The following XPOT variants were observed in gnomAD, a reference collection of about 807,000 sequenced individuals.
XPOT encodes exportin-T.
A neutral mutation model predicts 128.2 loss-of-function variants in XPOT; 34 were observed. The observed-to-expected ratio is 0.27, with a 90% confidence interval of 0.20 to 0.35. The LOEUF is 0.35. Among genes scored for constraint, XPOT ranks in the 10% least tolerant of loss-of-function variants. The probability of loss-of-function intolerance (pLI) is 1.00; values close to 1 mark genes in which losing one functional copy is unlikely to be tolerated. For synonymous variants in XPOT, 348 were observed against 394.3 expected, an observed-to-expected ratio of 0.88 and a Z score of 1.39; for missense variants, 838 against 1,125.3, an observed-to-expected ratio of 0.74 and a Z score of 3.65.
At chr12:64,430,770 T>C (rs1476384663) in intron 17 of XPOT, among the ~76,000 whole-genome samples, 2 of 152,212 alleles carry the variant, frequency 1.3e-5, no homozygotes, top group East Asian at 3.8e-4. Context: ...TTCTATAATA[T>C]ATTTAAGAAC....
chr12:64,431,906 G>T, intron 18 of XPOT, 83 bp downstream of exon 18: 1 of 1,461,182 alleles, frequency 6.8e-7, no homozygotes. Context: ...TTTGCCCTTG[G>T]GTTTCTTTTT....
rs1373293102 is a variant in XPOT at position 64,421,317 on chromosome 12, T to C, written c.926T>C (p.Leu309Ser). 1 of 1,614,046 alleles carries C rather than the reference T, an allele frequency of 6.2e-7. No homozygotes were observed. Among genetic ancestry groups the C allele is most frequent in the Admixed American group, 1.7e-5 (1 of 60,010 alleles). Residue 309 changes from leucine to serine, a missense_variant, in exon 9 of 25, where the codon TTA (leucine) becomes TCA (serine). This residue lies in a region of XPOT where 761 missense variants were observed against 988.3 expected (regional missense o/e 0.77). Transcript: ENST00000332707. Reference sequence around the variant, plus strand: ...TCATTGATAGTTAGTTGGAGTAAATTAATTAAGAATGGGGATATTAAGAAT... The same window carrying C: ...TCATTGATAGTTAGTTGGAGTAAATCAATTAAGAATGGGGATATTAAGAAT... ...GQSLIVSWSK[L>S]IKNGDIKNAQ... is the part of the protein sequence containing the mutation.
chr12:64,404,458 G>A lies in XPOT; in HGVS notation c.-421G>A, dbSNP rs1212658319. ...CACCGACGCGGGGAGCGCGCTTCGCGCTGACTCAGCGGCGGCGGCGGCTGC... is the reference window on the plus strand; with the variant it reads ...CACCGACGCGGGGAGCGCGCTTCGCACTGACTCAGCGGCGGCGGCGGCTGC... On this transcript the variant is annotated 5_prime_UTR_variant, in exon 1 of 25. Coordinates refer to ENST00000332707, the MANE Select transcript of XPOT (RefSeq NM_007235.6). 6.4e-6 allele frequency: 1 copy of A among 157,438 alleles called. No homozygotes were observed. Among genetic ancestry groups the A allele is most frequent in the Non-Finnish European group, 1.4e-5 (1 of 72,486 alleles). The allele number at this position is 157,438 out of a possible 1,614,324, so 9.8% of individuals were successfully genotyped here.
Position 64,421,332 on chromosome 12 carries a change from A to C in XPOT, c.941A>C (p.Asp314Ala). 3 of 1,614,066 alleles carry C rather than the reference A, an allele frequency of 1.9e-6. No homozygotes were observed. Among genetic ancestry groups the C allele is most frequent in the Non-Finnish European group, 2.5e-6 (3 of 1,179,956 alleles). ...VSWSKLIKNG[D>A]IKNAQEALQA... ...TGGAGTAAATTAATTAAGAATGGGGATATTAAGAATGCTCAAGAGGCACTA... is the reference window on the plus strand; with the variant it reads ...TGGAGTAAATTAATTAAGAATGGGGCTATTAAGAATGCTCAAGAGGCACTA... Residue 314 changes from aspartate to alanine, a missense_variant, in exon 9 of 25, where the codon GAT becomes GCT. By Grantham distance (126) the Asp-to-Ala change is moderately radical. This residue lies in a region of XPOT where 761 missense variants were observed against 988.3 expected (regional missense o/e 0.77). Transcript: ENST00000332707.
Position 64,420,371 on chromosome 12 carries a change from A to G in XPOT, c.693A>G (p.Leu231=), listed in dbSNP as rs2040127276. 1 of 1,612,866 alleles carries G rather than the reference A, an allele frequency of 6.2e-7. No individual in the cohort carries two copies. The highest frequency in any genetic ancestry group is 8.5e-7 in the Non-Finnish European group (1 of 1,179,620). Reference sequence around the variant, plus strand: ...TTACCAGGTTTATAAATATGCTGCTAGGTCATATGTCAATAGAAGTTCTAC... The same window carrying G: ...TTACCAGGTTTATAAATATGCTGCTGGGTCATATGTCAATAGAAGTTCTAC... ...IANDRFINML[L]GHMSIEVLRE... Residue 231 remains leucine (L), a synonymous_variant, in exon 8 of 25, where the codon CTA becomes CTG. Coordinates refer to ENST00000332707, the MANE Select transcript of XPOT (RefSeq NM_007235.6).
chr12:64,431,905 G>A (rs1325182548), intron 18 of XPOT, 82 bp downstream of exon 18: 1 of 1,465,550 alleles, frequency 6.8e-7, no homozygotes, highest in Non-Finnish European at 9.1e-7. Flanking sequence ...TTTTGCCCTT[G>A]GGTTTCTTTT....
In XPOT at chr12:64,416,689, C is replaced by CG; in HGVS notation, c.144-9_144-8insG. 6.2e-7 allele frequency: 1 copy of CG among 1,607,124 alleles called. No individual in the cohort carries two copies. On this transcript the variant is annotated splice_polypyrimidine_tract_variant and intron_variant, in intron 3 of 24. Transcript: ENST00000332707. ...TCTGCTTATCTCATTTTCTTTTTTT[C>CG]TTTTTCAGTGATGATCATGTGAAGT...
At chr12:64,424,806 T>A in intron 12 of XPOT, 83 bp downstream of exon 12, 3 of 1,510,410 alleles carry the variant, frequency 2.0e-6, no homozygotes, top group Non-Finnish European at 2.7e-6. Flanking sequence ...TTCATATGAC[T>A]TATTAATCCA....
intron 4 of XPOT, among the ~76,000 whole-genome samples, chr12:64,417,511 T>C (rs2040098354): frequency 7.0e-6 from 1 of 143,438 alleles, no homozygotes; most frequent in African/African-American, 2.6e-5. Context: ...GCCTGGGCAA[T>C]ACAGCAAGAC....
At position 64,421,453 on chromosome 12, in the gene XPOT, T is replaced by G. The variant is rs2040137642; in HGVS notation, c.1062T>G (p.Tyr354Ter). 1 of 1,611,254 alleles carries G rather than the reference T, an allele frequency of 6.2e-7. No individual in the cohort carries two copies. Among genetic ancestry groups the G allele is most frequent in the African/African-American group, 1.3e-5 (1 of 74,998 alleles). ...SSNIIGFCYD[Y>*]LHILKQLTVL... ...ATATTATTGGATTTTGTTACGATTATCTTCATATTTTGAAACAGGTAAGTT... is the reference window on the plus strand; with the variant it reads ...ATATTATTGGATTTTGTTACGATTAGCTTCATATTTTGAAACAGGTAAGTT... Residue 354 changes from tyrosine to a stop codon, truncating the protein, a stop_gained, in exon 9 of 25, where the codon TAT becomes TAG. Coordinates refer to ENST00000332707, the MANE Select transcript of XPOT (RefSeq NM_007235.6). LOFTEE classifies it high-confidence loss of function.
rs576114893 is a variant in XPOT at position 64,414,132 on chromosome 12, C to T, written c.61-775C>T. On this transcript the variant is annotated intron_variant, in intron 2 of 24. Transcript: ENST00000332707. ...CCATGTGTGAAACCTGCATCTGGTG[C>T]AACATGCTGATGGGAAGAGTGCCTG... Among the ~76,000 whole-genome samples, 3 of 152,292 alleles carry T rather than the reference C, an allele frequency of 2.0e-5. No homozygotes were observed. In the East Asian group the frequency reaches 5.8e-4, roughly 29 times the overall value.
chr12:64,440,232 C>T (rs1565804137), intron 23 of XPOT, among the ~76,000 whole-genome samples: 1 of 152,164 alleles, frequency 6.6e-6, no homozygotes, highest in Non-Finnish European at 1.5e-5. Context: ...AGTTATCTCT[C>T]TTTTTGTGAC....
At chr12:64,415,070 G>T in intron 3 of XPOT, 81 bp downstream of exon 3, 4 of 830,080 alleles carry the variant, frequency 4.8e-6, no homozygotes, top group South Asian at 1.7e-5. Flanking sequence ...TATTTGGAAA[G>T]TGTTTTCATA....
chr12:64,435,806 G>C, intron 22 of XPOT, 132 bp downstream of exon 22: 1 of 775,040 alleles, frequency 1.3e-6, no homozygotes, highest in Non-Finnish European at 1.9e-6. Context: ...GGGGATGAAT[G>C]AAAGTAGCAG....
intron 16 of XPOT, among the ~76,000 whole-genome samples, chr12:64,429,167 T>C (rs1262514879): frequency 6.6e-6 from 1 of 152,242 alleles, no homozygotes; most frequent in African/African-American, 2.4e-5. Flanking sequence ...TAATGCTGTG[T>C]GTAATGTACT....
chr12:64,430,298 T>G lies in XPOT; in HGVS notation c.1976+11T>G. 1 of 1,545,636 alleles carries G rather than the reference T, an allele frequency of 6.5e-7. No individual in the cohort carries two copies. Among genetic ancestry groups the G allele is most frequent in the Non-Finnish European group, 8.7e-7 (1 of 1,150,508 alleles). On this transcript the variant is annotated intron_variant, in intron 17 of 24. Transcript: ENST00000332707. ...TGTTGGATTTGCAAGGTAAGTGTGA[T>G]CACAGTTAAAATTATAAAGTGCATG...
chr12:64,415,061 A>T (rs1490781736), intron 3 of XPOT, 72 bp downstream of exon 3: 4 of 902,936 alleles, frequency 4.4e-6, no homozygotes, highest in Non-Finnish European at 5.2e-6. Flanking sequence ...ATTTACCTGT[A>T]TTTGGAAAGT....
At chr12:64,416,788 G>A (rs2040091585) in intron 4 of XPOT, 34 bp downstream of exon 4, 1 of 1,546,714 alleles carries the variant, frequency 6.5e-7, no homozygotes, top group East Asian at 2.2e-5. Context: ...ACTCAGATTT[G>A]CGGGGAGAGG....
intron 4 of XPOT, 75 bp from the exon 5 acceptor site, chr12:64,417,971 A>G: frequency 1.7e-6 from 2 of 1,206,746 alleles, no homozygotes; most frequent in Non-Finnish European, 2.4e-6. Context: ...CCTTTCAAAT[A>G]TATGAGGCTG....
Sources: allele counts gnomAD v4.1 joint callset (sites outside exome capture counted in the v4.1 genomes callset), GRCh38; gene constraint gnomAD v4.1.1; regional missense constraint gnomAD v4.1.1; transcripts MANE v1.5; gene names NCBI Gene and HGNC (gene_info 2026-07-23, HGNC 2026-07-21).